The following ALDH7A1 variants were observed in gnomAD, a reference collection of about 807,000 sequenced individuals.
ALDH7A1 encodes the protein aldehyde dehydrogenase 7 family member A1.
A neutral mutation model predicts 79.9 loss-of-function variants in ALDH7A1; 63 were observed. The observed-to-expected ratio is 0.79, with a 90% CI of 0.64 to 0.97. ALDH7A1 has a LOEUF of 0.97. ALDH7A1 is among the 50% of genes least tolerant of loss of function. The pLI, the probability that ALDH7A1 is intolerant of heterozygous loss-of-function variation, is 0.00. For synonymous variants in ALDH7A1, 240 were observed against 231.2 expected, an observed-to-expected ratio of 1.04 and a Z score of -0.34; for missense variants, 627 against 665.2, an observed-to-expected ratio of 0.94 and a Z score of 0.63.
Position 126,542,319 on chromosome 5 carries a change from CAG to C in ALDH7A1, c.*2644_*2645del, listed in dbSNP as rs1749630977. 1 of 152,134 alleles carries C rather than the reference CAG, an allele frequency of 6.6e-6. No individual in the cohort carries two copies. Among genetic ancestry groups the C allele is most frequent in the Non-Finnish European group, 1.5e-5 (1 of 68,026 alleles). The allele number at this position is 152,134 out of a possible 1,614,324, so 9.4% of individuals were successfully genotyped here. ...GCCAGGGAAGAGAAGAGGAAGGACA[CAG>C]AGCCCTCTTGGTCCCTTCAGCATTT... On this transcript the variant is annotated 3_prime_UTR_variant, in exon 18 of 18. Coordinates refer to ENST00000409134, the MANE Select transcript of ALDH7A1 (RefSeq NM_001182.5).
At chr5:126,576,518 T>A (rs1750975265) in intron 6 of ALDH7A1, among the ~76,000 whole-genome samples, 1 of 152,202 alleles carries the variant, frequency 6.6e-6, no homozygotes, top group South Asian at 2.1e-4. Flanking sequence ...CAAGTAACTG[T>A]TTGCCATCTA....
intron 3 of ALDH7A1, among the ~76,000 whole-genome samples, chr5:126,589,401 C>T (rs1351437397): frequency 6.6e-6 from 1 of 152,098 alleles, no homozygotes; most frequent in Non-Finnish European, 1.5e-5. Flanking sequence ...AGGTGATCCG[C>T]CCACTTGGCC....
chr5:126,557,226 G>A (rs895501469), intron 11 of ALDH7A1, among the ~76,000 whole-genome samples: 2 of 152,142 alleles, frequency 1.3e-5, no homozygotes, highest in African/African-American at 2.4e-5. Context: ...GATTATTTGA[G>A]AATGTCAGCT....
chr5:126,545,302 T>A (rs975654874), intron 17 of ALDH7A1, among the ~76,000 whole-genome samples: 2 of 151,988 alleles, frequency 1.3e-5, no homozygotes, highest in Non-Finnish European at 2.9e-5. Context: ...TGAGACAGGG[T>A]CTCACTCTGT....
intron 10 of ALDH7A1, among the ~76,000 whole-genome samples, chr5:126,560,023 C>T (rs1205684292): frequency 6.6e-6 from 1 of 151,990 alleles, no homozygotes; most frequent in Non-Finnish European, 1.5e-5. Context: ...CCTTGACCTC[C>T]TGGGCTCAAG....
At chr5:126,558,421 A>G (rs545626285) in intron 11 of ALDH7A1, among the ~76,000 whole-genome samples, 1 of 152,298 alleles carries the variant, frequency 6.6e-6, no homozygotes, top group Admixed American at 6.5e-5. Flanking sequence ...ATATGTATAT[A>G]GAGAGGTCAC....
At position 126,542,876 on chromosome 5, in the gene ALDH7A1, C is replaced by G. The variant is rs1161939692; in HGVS notation, c.*2089G>C. 1 of 152,204 alleles carries G rather than the reference C, an allele frequency of 6.6e-6. No individual in the cohort carries two copies. Among genetic ancestry groups the G allele is most frequent in the African/African-American group, 2.4e-5 (1 of 41,436 alleles). 9.4% of individuals were successfully genotyped at this position (152,204 alleles called of 1,614,324 possible). A position where few individuals can be genotyped will look rare whatever the true frequency, so the allele number is the denominator to read the frequency against. ...TCTTCACCCACTTCCCAGGGAGTCA[C>G]AAGAGCCTGGCTGCTAGGCTCAGCG... On this transcript the variant is annotated 3_prime_UTR_variant, in exon 18 of 18. Coordinates refer to ENST00000409134, the MANE Select transcript of ALDH7A1 (RefSeq NM_001182.5).
chr5:126,578,638 C>CAAAAAAAAAAA (rs70994880), intron 5 of ALDH7A1, among the ~76,000 whole-genome samples: 1 of 90,388 alleles, frequency 1.1e-5, no homozygotes, highest in African/African-American at 3.4e-5. Flanking sequence ...GACCCTGTAT[C>CAAAAAAAAAAA]AAAAAAAAAA....
chr5:126,551,962 A>T, intron 14 of ALDH7A1, 59 bp downstream of exon 14: 1 of 1,330,988 alleles, frequency 7.5e-7, no homozygotes, highest in Non-Finnish European at 1.1e-6. Flanking sequence ...TTAATCCACC[A>T]TCATTTTCCT....
chr5:126,573,116 CAAAAA>C (rs11290126), intron 7 of ALDH7A1, among the ~76,000 whole-genome samples: 6 of 95,168 alleles, frequency 6.3e-5, no homozygotes, highest in Admixed American at 3.3e-4. Flanking sequence ...CCATTTAAAG[CAAAAA>C]AAAAAAAAAA....
intron 12 of ALDH7A1, chr5:126,554,745 A>C (rs1231415010): frequency 2.8e-6 from 1 of 357,866 alleles, no homozygotes; most frequent in South Asian, 2.3e-5. Context: ...TACTCAAAGC[A>C]CTGCACTCAA....
At chr5:126,579,654 TA>T (rs34674137) in intron 5 of ALDH7A1, among the ~76,000 whole-genome samples, 30,719 of 149,234 alleles carry the variant, frequency 0.21, 5,767 homozygotes, top group African/African-American at 0.5. Flanking sequence ...TAAACTGCTT[TA>T]AAAAAAAAAA....
chr5:126,550,115 T>C, intron 15 of ALDH7A1, 81 bp downstream of exon 15: 1 of 1,533,300 alleles, frequency 6.5e-7, no homozygotes, highest in Non-Finnish European at 9.0e-7. Context: ...AAAAACTGAT[T>C]TTAGACTACA....
intron 5 of ALDH7A1, chr5:126,581,634 CAAAA>C (rs1581393605): frequency 6.6e-6 from 1 of 151,610 alleles, no homozygotes; most frequent in Non-Finnish European, 1.5e-5. Flanking sequence ...AAAAAGAAAA[CAAAA>C]AAACAATTTC....
chr5:126,550,300 GGA>G lies in ALDH7A1; in HGVS notation c.1318-9_1318-8del. 1 of 1,598,376 alleles carries G rather than the reference GGA, an allele frequency of 6.3e-7. No individual in the cohort carries two copies. Among genetic ancestry groups the G allele is most frequent in the Non-Finnish European group, 8.6e-7 (1 of 1,166,610 alleles). On this transcript the variant is annotated splice_polypyrimidine_tract_variant and splice_region_variant and intron_variant, in intron 14 of 17. Coordinates refer to ENST00000409134, the MANE Select transcript of ALDH7A1 (RefSeq NM_001182.5). ...CAAAGACCTCTTCTTCATTCTAAAA[GGA>G]GAGACATTGGAAGCTGTAAGATGTT...
At chr5:126,565,531 A>G (rs1479615000) in intron 9 of ALDH7A1, among the ~76,000 whole-genome samples, 1 of 152,024 alleles carries the variant, frequency 6.6e-6, no homozygotes, top group Non-Finnish European at 1.5e-5. Flanking sequence ...CAAATGACTT[A>G]CAAACATTTT....
chr5:126,578,638 C>CAAA lies in ALDH7A1; in HGVS notation c.518-1430_518-1428dup, dbSNP rs70994880. Among the ~76,000 whole-genome samples, 220 of 90,374 alleles carry CAAA rather than the reference C, an allele frequency of 2.4e-3. 1 individual carries two copies. The highest frequency in any genetic ancestry group is 8.3e-3 in the East Asian group (25 of 3,004). 59.3% of individuals were successfully genotyped at this position (90,374 alleles called of 152,430 possible). On this transcript the variant is annotated intron_variant, in intron 5 of 17. Coordinates refer to ENST00000409134, the MANE Select transcript of ALDH7A1 (RefSeq NM_001182.5). ...TGGACAACAGAGTAAGACCCTGTAT[C>CAAA]AAAAAAAAAAAAAAAAAGAAAGAAA...
chr5:126,589,549 G>A (rs1459879671), intron 3 of ALDH7A1, among the ~76,000 whole-genome samples: 1 of 152,066 alleles, frequency 6.6e-6, no homozygotes, highest in African/African-American at 2.4e-5. Context: ...GGGAGGCCAA[G>A]GTGGGTGGAT....
Position 126,595,104 on chromosome 5 carries a change from A to G in ALDH7A1, c.95T>C (p.Leu32Pro). 1.3e-6 allele frequency: 2 copies of G among 1,595,040 alleles called. No individual in the cohort carries two copies. Among genetic ancestry groups the G allele is most frequent in the Non-Finnish European group, 1.7e-6 (2 of 1,170,350 alleles). The change falls in exon 1 of 18, where the codon CTC becomes CCC. Residue 32 changes from leucine (L) to proline (P), a missense_variant. Leu to Pro is a moderately conservative substitution (Grantham distance 98). Coordinates refer to ENST00000409134, the MANE Select transcript of ALDH7A1 (RefSeq NM_001182.5). ...WSRPAAFMST[L>P]LINQPQYAWL... ...CGCATACTGGGGCTGATTGATGAGG[A>G]GAGTGGACATGAAGGCGGCAGGCCT...
Sources: gnomAD v4.1 joint callset for allele counts (sites outside exome capture counted in the v4.1 genomes callset) on GRCh38, gnomAD v4.1.1 for gene constraint, MANE v1.5 for transcripts, NCBI Gene and HGNC (gene_info 2026-07-23, HGNC 2026-07-21) for gene names.